The following ARHGAP44 variants were observed in gnomAD, a reference collection of about 807,000 sequenced individuals.
ARHGAP44 encodes the protein rho GTPase-activating protein 44.
Under a neutral mutation model 106.8 loss-of-function variants are expected in ARHGAP44, and 43 were observed. The ratio of observed to expected loss-of-function variants is 0.40; its 90% CI spans 0.32 to 0.52. ARHGAP44 has a LOEUF of 0.52. Ranked by LOEUF, ARHGAP44 falls within the 20% of genes least tolerant of loss-of-function variation. ARHGAP44 has a pLI of 0.48. For synonymous variants in ARHGAP44, 439 were observed against 410.3 expected, an observed-to-expected ratio of 1.07 and a Z score of -0.85; for missense variants, 866 against 1,050.5, an observed-to-expected ratio of 0.82 and a Z score of 2.43.
intron 4 of ARHGAP44, among the ~76,000 whole-genome samples, chr17:12,914,728 G>A (rs556428919): frequency 1.9e-4 from 29 of 151,410 alleles, no homozygotes; most frequent in Non-Finnish European, 2.9e-4. Context: ...CCCAGGAGGC[G>A]GAGGTTGCAG....
intron 1 of ARHGAP44, among the ~76,000 whole-genome samples, chr17:12,803,893 G>A (rs887584011): frequency 3.3e-5 from 5 of 150,742 alleles, no homozygotes; most frequent in Admixed American, 2.0e-4. Context: ...TTGTATTTAC[G>A]GCTCTAAGAA....
intron 8 of ARHGAP44, among the ~76,000 whole-genome samples, chr17:12,941,634 T>C (rs546038804): frequency 6.6e-6 from 1 of 152,350 alleles, no homozygotes; most frequent in South Asian, 2.1e-4. Context: ...TTTTCTTTTT[T>C]AATCTAGATT....
At chr17:12,864,444 C>T (rs1045065906) in intron 1 of ARHGAP44, among the ~76,000 whole-genome samples, 9 of 152,060 alleles carry the variant, frequency 5.9e-5, no homozygotes, top group African/African-American at 2.2e-4. Context: ...TGAATTACTC[C>T]TTGTGATTAG....
intron 4 of ARHGAP44, 34 bp downstream of exon 4, chr17:12,909,007 A>G (rs2037643959): frequency 6.5e-7 from 1 of 1,546,024 alleles, no homozygotes; most frequent in Non-Finnish European, 8.7e-7. Flanking sequence ...TTGGTGCCAA[A>G]TCTAAGTAAG....
chr17:12,857,247 G>T (rs1362009061), intron 1 of ARHGAP44, among the ~76,000 whole-genome samples: 2 of 152,110 alleles, frequency 1.3e-5, no homozygotes, highest in Non-Finnish European at 2.9e-5. Context: ...TTCATTTTCT[G>T]TTGCTTTAAC....
chr17:12,818,319 A>G (rs1043954612), intron 1 of ARHGAP44, among the ~76,000 whole-genome samples: 7 of 137,508 alleles, frequency 5.1e-5, no homozygotes, highest in African/African-American at 2.0e-4. Flanking sequence ...TAAACTGGTA[A>G]GGTGCATCTG....
chr17:12,802,958 TATATATA>T (rs1232127474), intron 1 of ARHGAP44, among the ~76,000 whole-genome samples: 15 of 29,312 alleles, frequency 5.1e-4, no homozygotes, highest in African/African-American at 1.4e-3. Flanking sequence ...TATATATATA[TATATATA>T]TATATTTTTT....
At chr17:12,798,281 A>G (rs1282127699) in intron 1 of ARHGAP44, among the ~76,000 whole-genome samples, 2 of 152,222 alleles carry the variant, frequency 1.3e-5, no homozygotes, top group Non-Finnish European at 2.9e-5. Context: ...ATTAACCTCA[A>G]TTAAAATGCA....
intron 1 of ARHGAP44, among the ~76,000 whole-genome samples, chr17:12,831,149 T>C (rs76017605): frequency 0.029 from 4,346 of 152,288 alleles, 200 homozygotes; most frequent in African/African-American, 0.099. Context: ...CCTTATCTCA[T>C]TGAATTCTTC....
chr17:12,847,978 C>G (rs1250521947), intron 1 of ARHGAP44, among the ~76,000 whole-genome samples: 1 of 152,138 alleles, frequency 6.6e-6, no homozygotes, highest in Non-Finnish European at 1.5e-5. Flanking sequence ...TTCTCATGAG[C>G]CTTGTTATTA....
chr17:12,863,559 CT>C (rs571544623), intron 1 of ARHGAP44, among the ~76,000 whole-genome samples: 63 of 152,152 alleles, frequency 4.1e-4, no homozygotes, highest in African/African-American at 1.4e-3. Flanking sequence ...GTTCTAGAAT[CT>C]TTTTAAACCC....
chr17:12,848,767 G>A (rs553225369), intron 1 of ARHGAP44, among the ~76,000 whole-genome samples: 83 of 152,280 alleles, frequency 5.5e-4, no homozygotes, highest in African/African-American at 1.9e-3. Context: ...AAATGTTGAG[G>A]CTGGGCACGG....
Position 12,949,544 on chromosome 17 carries a change from C to A in ARHGAP44, c.974-105C>A. On this transcript the variant is annotated intron_variant, in intron 11 of 20. Coordinates refer to ENST00000379672, the MANE Select transcript of ARHGAP44 (RefSeq NM_014859.6). This position sits in a 1 kb window ranked among gnomAD's most constrained non-coding sequence, Gnocchi z 4.1. ...TACCATTTGCTGTTGACATGGTGGT[C>A]AGGAGGCCCATCCCCAGATGGAACC... 2 of 1,048,292 alleles carry A rather than the reference C, an allele frequency of 1.9e-6. No individual in the cohort carries two copies. Among genetic ancestry groups the A allele is most frequent in the Non-Finnish European group, 2.8e-6 (2 of 702,682 alleles). 64.9% of individuals were successfully genotyped at this position (1,048,292 alleles called of 1,614,324 possible). A position where few individuals can be genotyped will look rare whatever the true frequency, so the allele number is the denominator to read the frequency against.
intron 1 of ARHGAP44, among the ~76,000 whole-genome samples, chr17:12,814,235 GTTTTTTTTTTTT>G (rs773171329): frequency 1.1e-5 from 1 of 87,270 alleles, no homozygotes; most frequent in Non-Finnish European, 2.2e-5. Context: ...CCAAACTGGT[GTTTTTTTTTTTT>G]TTTTTTTTTT....
At chr17:12,875,940 G>A (rs1053263244) in intron 1 of ARHGAP44, among the ~76,000 whole-genome samples, 2 of 83,802 alleles carry the variant, frequency 2.4e-5, no homozygotes, top group Admixed American at 1.4e-4. Flanking sequence ...GCGAGACTTC[G>A]TCTCAAAAAA....
chr17:12,814,089 AT>A (rs2150784116), intron 1 of ARHGAP44, among the ~76,000 whole-genome samples: 1 of 151,476 alleles, frequency 6.6e-6, no homozygotes, highest in East Asian at 2.0e-4. Flanking sequence ...GGCTTTCTTA[AT>A]TCATCTCCCT....
At chr17:12,932,963 C>T (rs2038443979) in intron 7 of ARHGAP44, among the ~76,000 whole-genome samples, 1 of 152,082 alleles carries the variant, frequency 6.6e-6, no homozygotes, top group African/African-American at 2.4e-5. Context: ...CTGTTACATC[C>T]ATTTTATTAT....
At chr17:12,945,366 A>G (rs893272369) in intron 10 of ARHGAP44, among the ~76,000 whole-genome samples, 6 of 152,194 alleles carry the variant, frequency 3.9e-5, no homozygotes, top group African/African-American at 1.2e-4. Flanking sequence ...CCTGGGAGAT[A>G]GAGCTCATCT....
intron 1 of ARHGAP44, among the ~76,000 whole-genome samples, chr17:12,893,619 G>A (rs906941184): frequency 1.3e-5 from 2 of 152,160 alleles, no homozygotes; most frequent in African/African-American, 2.4e-5. Context: ...GAGGGGTACG[G>A]GCTTGGGTGG....
Sources: allele counts gnomAD v4.1 joint callset (sites outside exome capture counted in the v4.1 genomes callset), GRCh38; gene constraint gnomAD v4.1.1; non-coding constraint Gnocchi (gnomAD v3.1); transcripts MANE v1.5; gene names NCBI Gene and HGNC (gene_info 2026-07-23, HGNC 2026-07-21).